ADAMTS19: variants seen among roughly 807,000 people sequenced by gnomAD.
ADAMTS19 encodes the protein A disintegrin and metalloproteinase with thrombospondin motifs 19.
A neutral mutation model predicts 153.3 loss-of-function variants in ADAMTS19; 93 were observed. The observed-to-expected ratio is 0.61, with a 90% CI of 0.51 to 0.72. The LOEUF is 0.72. Among genes scored for constraint, ADAMTS19 ranks in the 30% least tolerant of loss-of-function variants. ADAMTS19 has a pLI of 0.00. For missense variants in ADAMTS19, 1,482 were observed against 1,552.1 expected (o/e 0.95, Z 0.76); for synonymous variants, 600 against 556.6 (o/e 1.08, Z -1.10).
intron 21 of ADAMTS19, among the ~76,000 whole-genome samples, chr5:129,734,239 G>A (rs1347709482): frequency 1.3e-5 from 2 of 151,652 alleles, no homozygotes; most frequent in Admixed American, 6.6e-5. Context: ...TCTGAGTGGT[G>A]GGTATACTAG....
chr5:129,684,365 G>A, intron 18 of ADAMTS19, 92 bp downstream of exon 18: 1 of 1,457,348 alleles, frequency 6.9e-7, no homozygotes, highest in South Asian at 1.4e-5. Flanking sequence ...TCCCTAATCT[G>A]CAATTCCAAA....
At chr5:129,473,901 C>G (rs1750142898) in intron 2 of ADAMTS19, among the ~76,000 whole-genome samples, 1 of 151,956 alleles carries the variant, frequency 6.6e-6, no homozygotes, top group African/African-American at 2.4e-5. Flanking sequence ...GCCCTTTTTT[C>G]CAACATCTTT....
At chr5:129,650,676 T>G (rs1753278894) in intron 13 of ADAMTS19, among the ~76,000 whole-genome samples, 1 of 152,188 alleles carries the variant, frequency 6.6e-6, no homozygotes, top group African/African-American at 2.4e-5. Flanking sequence ...TCTTATTGAT[T>G]ACCCCCACTT....
At chr5:129,614,494 G>T (rs1268038339) in intron 8 of ADAMTS19, among the ~76,000 whole-genome samples, 2 of 152,122 alleles carry the variant, frequency 1.3e-5, no homozygotes, top group African/African-American at 2.4e-5. Context: ...AGTCCTTCAT[G>T]CTAAAAACTC....
intron 7 of ADAMTS19, among the ~76,000 whole-genome samples, chr5:129,593,049 G>A (rs1398587253): frequency 6.6e-6 from 1 of 152,038 alleles, no homozygotes; most frequent in African/African-American, 2.4e-5. Context: ...GATAGTCATT[G>A]ATTTCCTATA....
chr5:129,497,473 C>G (rs1202677479), intron 2 of ADAMTS19, among the ~76,000 whole-genome samples: 2 of 152,086 alleles, frequency 1.3e-5, no homozygotes, highest in Non-Finnish European at 2.9e-5. Context: ...AAGCTTCATT[C>G]TCCAACTACT....
chr5:129,694,925 G>T, intron 19 of ADAMTS19, 70 bp downstream of exon 19: 1 of 1,322,520 alleles, frequency 7.6e-7, no homozygotes, highest in Non-Finnish European at 9.9e-7. Context: ...AACATGCTCA[G>T]AATATCATTG....
At chr5:129,680,805 A>G (rs1754774652) in intron 17 of ADAMTS19, among the ~76,000 whole-genome samples, 1 of 151,456 alleles carries the variant, frequency 6.6e-6, no homozygotes, top group Non-Finnish European at 1.5e-5. Context: ...TAAGTGGGTT[A>G]GAATTTGAAG....
At position 129,482,848 on chromosome 5, in the gene ADAMTS19, G is replaced by A. The variant is rs79151124; in HGVS notation, c.747+21091G>A. Among the ~76,000 whole-genome samples, 12 of 152,138 alleles carry A rather than the reference G, an allele frequency of 7.9e-5. No individual in the cohort carries two copies. The East Asian group carries it at 2.3e-3, about 29-fold the overall frequency. On this transcript the variant is annotated intron_variant, in intron 2 of 22. Transcript: ENST00000274487. ...GTCACATATTTCTTCAGTTATCTTT[G>A]TGTTGAGAGTTTCTAAATGAATACT...
chr5:129,581,167 G>C (rs1749496210), intron 7 of ADAMTS19, among the ~76,000 whole-genome samples: 1 of 152,166 alleles, frequency 6.6e-6, no homozygotes, highest in Non-Finnish European at 1.5e-5. Context: ...TCTTGGGAGG[G>C]TGTATGTGTC....
chr5:129,583,273 A>G (rs750643944), intron 7 of ADAMTS19, among the ~76,000 whole-genome samples: 6 of 152,114 alleles, frequency 3.9e-5, no homozygotes, highest in Non-Finnish European at 8.8e-5. Flanking sequence ...TTCTGCAGAG[A>G]GATCTGGTAT....
rs34177749 is a variant in ADAMTS19, at chr5:129,733,944, C to CGTGT, written c.3313-945_3313-942dup. 5.7e-4 allele frequency among the ~76,000 whole-genome samples: 85 copies of CGTGT among 147,840 alleles called. 1 individual carries two copies. The highest frequency in any genetic ancestry group is 1.0e-3 in the Non-Finnish European group (67 of 66,632). On this transcript the variant is annotated intron_variant, in intron 21 of 22. Coordinates refer to ENST00000274487, the MANE Select transcript of ADAMTS19 (RefSeq NM_133638.6). ...GATAACTGGATAAAGCAAGTGTGTG[C>CGTGT]GTGTGTGTGTGTGTGTGTGTGTGTG...
intron 2 of ADAMTS19, among the ~76,000 whole-genome samples, chr5:129,487,380 A>G (rs1464651762): frequency 6.6e-6 from 1 of 152,160 alleles, no homozygotes; most frequent in Non-Finnish European, 1.5e-5. Flanking sequence ...AACTTCTAAA[A>G]TTAATAATAT....
At chr5:129,515,928 C>T (rs769290814) in intron 3 of ADAMTS19, among the ~76,000 whole-genome samples, 4 of 151,584 alleles carry the variant, frequency 2.6e-5, no homozygotes, top group Non-Finnish European at 5.9e-5. Context: ...AGGCCTGTGG[C>T]GTATGATTTT....
chr5:129,609,467 G>T (rs1477482599), intron 8 of ADAMTS19, among the ~76,000 whole-genome samples: 2 of 152,098 alleles, frequency 1.3e-5, no homozygotes, highest in African/African-American at 4.8e-5. Context: ...GAGATTTTCA[G>T]CCTTCACTGG....
intron 15 of ADAMTS19, among the ~76,000 whole-genome samples, chr5:129,660,333 AG>A (rs1314920632): frequency 3.9e-5 from 6 of 152,220 alleles, no homozygotes; most frequent in Non-Finnish European, 4.4e-5. Flanking sequence ...CTTTCAACTA[AG>A]AAATTTAATT....
chr5:129,567,942 C>G (rs1330526273), intron 7 of ADAMTS19, among the ~76,000 whole-genome samples: 2 of 152,050 alleles, frequency 1.3e-5, no homozygotes, highest in Admixed American at 6.5e-5. Flanking sequence ...TATAAGGAAA[C>G]AGTGATTCCA....
chr5:129,649,808 TATTTCTG>T (rs1400948332), intron 13 of ADAMTS19, among the ~76,000 whole-genome samples: 3 of 152,188 alleles, frequency 2.0e-5, no homozygotes, highest in Non-Finnish European at 4.4e-5. Context: ...CTCTCTGTAC[TATTTCTG>T]CAAGTTATTC....
chr5:129,678,475 C>G (rs558975717), intron 16 of ADAMTS19, among the ~76,000 whole-genome samples: 62 of 152,076 alleles, frequency 4.1e-4, no homozygotes, highest in African/African-American at 1.5e-3. Context: ...AGAACATATA[C>G]ATGTTGTTCA....
Sources: gnomAD v4.1 joint callset for allele counts (sites outside exome capture counted in the v4.1 genomes callset) on GRCh38, gnomAD v4.1.1 for gene constraint, MANE v1.5 for transcripts, NCBI Gene and HGNC (gene_info 2026-07-23, HGNC 2026-07-21) for gene names.